The following NLRP1 variants were observed in gnomAD, a reference collection of about 807,000 sequenced individuals.
The protein encoded by NLRP1 is NACHT, LRR and PYD domains-containing protein 1.
A neutral mutation model predicts 136.7 loss-of-function variants in NLRP1; 94 were observed. That is an observed-to-expected ratio of 0.69 (90% confidence interval 0.58 to 0.82). The LOEUF (loss-of-function observed/expected upper bound fraction) is 0.82. NLRP1 is among the 40% of genes least tolerant of loss of function. The probability of loss-of-function intolerance (pLI) is 0.00; values close to 1 mark genes in which losing one functional copy is unlikely to be tolerated. For synonymous variants in NLRP1, 690 were observed against 725.1 expected, an observed-to-expected ratio of 0.95 and a Z score of 0.78; for missense variants, 1,575 against 1,802.7, an observed-to-expected ratio of 0.87 and a Z score of 2.29.
At chr17:5,529,157 T>A (rs1309318981) in intron 12 of NLRP1, among the ~76,000 whole-genome samples, 3 of 152,160 alleles carry the variant, frequency 2.0e-5, no homozygotes, top group Non-Finnish European at 4.4e-5. Context: ...AATCTTGATT[T>A]TTTCTCTCCC....
At chr17:5,529,413 G>A (rs1909950468) in intron 12 of NLRP1, among the ~76,000 whole-genome samples, 1 of 150,660 alleles carries the variant, frequency 6.6e-6, no homozygotes, top group Admixed American at 6.6e-5. Context: ...TGTGGCCCAG[G>A]CTGGAGTGCA....
intron 3 of NLRP1, among the ~76,000 whole-genome samples, chr17:5,570,466 AG>A (rs1347031575): frequency 6.6e-6 from 1 of 152,152 alleles, no homozygotes; most frequent in Non-Finnish European, 1.5e-5. Flanking sequence ...AAAAACCCTC[AG>A]AGACTATTAC....
At chr17:5,553,350 A>G (rs200719087) in intron 5 of NLRP1, 36 bp downstream of exon 5, 2 of 1,561,452 alleles carry the variant, frequency 1.3e-6, no homozygotes, top group Non-Finnish European at 1.7e-6. Flanking sequence ...TCTCTTCCCC[A>G]TCCCTGCTTC....
intron 9 of NLRP1, 30 bp downstream of exon 9, chr17:5,533,867 G>A (rs1402249269): frequency 4.1e-6 from 6 of 1,469,412 alleles, no homozygotes; most frequent in Non-Finnish European, 5.7e-6. Context: ...CCCCTGTCAC[G>A]ATGCTCCCAG....
At position 5,536,836 on chromosome 17, in the gene NLRP1, T is replaced by G; in HGVS notation, c.2960+15A>C. On this transcript the variant is annotated intron_variant, in intron 8 of 16. Coordinates refer to ENST00000572272, the MANE Select transcript of NLRP1 (RefSeq NM_033004.4). ...GGCCTGGGTCAGCCAGAGGGAGTTC[T>G]GGGTCCCCCCTTACCGTCTGCTGAA... 6.3e-7 allele frequency: 1 copy of G among 1,594,986 alleles called. No individual in the cohort carries two copies.
chr17:5,583,636 C>A lies in NLRP1; in HGVS notation c.271+51G>T. The A allele has an allele frequency of 6.6e-7, 1 of 1,519,958 alleles. No individual in the cohort carries two copies. The highest frequency in any genetic ancestry group is 2.0e-5 in the Admixed American group (1 of 49,626). The allele number at this position is 1,519,958 out of a possible 1,614,324, so 94.2% of individuals were successfully genotyped here. On this transcript the variant is annotated intron_variant, in intron 1 of 16. Transcript: ENST00000572272. The surrounding 1 kb of genome is among the most constrained non-coding windows in gnomAD (Gnocchi z 4.5). ...TGGGGTCCCAAGAGGGCAGGGCAGG[C>A]ATGAGGGCCAGGGGATGTCCCGCGG...
At chr17:5,536,810 G>T (rs772230435) in intron 8 of NLRP1, 41 bp downstream of exon 8, 2 of 1,437,474 alleles carry the variant, frequency 1.4e-6, no homozygotes, top group Non-Finnish European at 2.0e-6. Flanking sequence ...GCTCAGCCCT[G>T]GGCCTGGGTC....
chr17:5,579,310 A>G (rs998238081), intron 3 of NLRP1, among the ~76,000 whole-genome samples: 16 of 152,044 alleles, frequency 1.1e-4, no homozygotes, highest in African/African-American at 3.6e-4. Flanking sequence ...CTCTCATTCC[A>G]TCAGTTGAAG....
In NLRP1 at chr17:5,514,333, T is replaced by A; in HGVS notation, c.*421A>T. ...GTTGGCTTGCTCTTGTAGATCTTCC[T>A]GTACAAAGCCAAGAATCCACGTGGC... On this transcript the variant is annotated 3_prime_UTR_variant, in exon 17 of 17. Transcript: ENST00000572272. The A allele has an allele frequency of 1.1e-6, 1 of 914,124 alleles. No individual in the cohort carries two copies. Among genetic ancestry groups the A allele is most frequent in the Non-Finnish European group, 1.3e-6 (1 of 747,400 alleles). The allele number at this position is 914,124 out of a possible 1,614,324, so 56.6% of individuals were successfully genotyped here.
At chr17:5,539,087 T>A (rs891784861) in intron 7 of NLRP1, among the ~76,000 whole-genome samples, 1 of 152,146 alleles carries the variant, frequency 6.6e-6, no homozygotes, top group Non-Finnish European at 1.5e-5. Flanking sequence ...GCCAGGCTGG[T>A]CTCTAACTCC....
intron 3 of NLRP1, among the ~76,000 whole-genome samples, chr17:5,578,250 A>G (rs954650035): frequency 2.0e-5 from 3 of 152,256 alleles, no homozygotes; most frequent in African/African-American, 7.2e-5. Context: ...AAAAGCCAAA[A>G]TTGACATATG....
chr17:5,507,400 A>T (rs1358159948), intron 15 of NLRP1, among the ~76,000 whole-genome samples: 1 of 152,220 alleles, frequency 6.6e-6, no homozygotes, highest in African/African-American at 2.4e-5. Context: ...GCCATTAAAG[A>T]ATCAAGAAAT....
At chr17:5,569,396 A>T (rs1167262368) in intron 3 of NLRP1, among the ~76,000 whole-genome samples, 2 of 152,196 alleles carry the variant, frequency 1.3e-5, no homozygotes, top group Non-Finnish European at 2.9e-5. Context: ...ATGCAATGAC[A>T]TTCATAGGCT....
intron 3 of NLRP1, among the ~76,000 whole-genome samples, chr17:5,569,892 A>G (rs1915689811): frequency 6.6e-6 from 1 of 152,178 alleles, no homozygotes; most frequent in Non-Finnish European, 1.5e-5. Context: ...AGCAAATTTT[A>G]AAAAACCCAA....
At chr17:5,579,683 C>T (rs1905386613) in intron 3 of NLRP1, among the ~76,000 whole-genome samples, 1 of 152,120 alleles carries the variant, frequency 6.6e-6, no homozygotes. Context: ...ATGGAATCAA[C>T]CATACTGCTA....
At chr17:5,569,807 A>G (rs10459913) in intron 3 of NLRP1, among the ~76,000 whole-genome samples, 26,005 of 152,180 alleles carry the variant, frequency 0.17, 3,481 homozygotes, top group East Asian at 0.67. Context: ...CCCAAACAAC[A>G]GAATATATAT....
At chr17:5,536,180 G>A (rs1911036826) in intron 8 of NLRP1, among the ~76,000 whole-genome samples, 1 of 151,196 alleles carries the variant, frequency 6.6e-6, no homozygotes. Flanking sequence ...ATGTTGTCTT[G>A]CTCTGTCACC....
rs145016109 is a variant in NLRP1 at position 5,573,839 on chromosome 17, A to G, written c.652+8020T>C. Among the ~76,000 whole-genome samples the G allele has an allele frequency of 2.8e-3, 429 of 152,324 alleles. 1 individual carries two copies. Among genetic ancestry groups the G allele is most frequent in the African/African-American group, 9.9e-3 (410 of 41,566 alleles). ...TTATGTCAAAGACCAAAGGTAGATA[A>G]AACCACAAAGATGGGGAAAAAACTG... On this transcript the variant is annotated intron_variant, in intron 3 of 16. Transcript: ENST00000572272.
chr17:5,517,881 C>T lies in NLRP1; in HGVS notation c.3922G>A (p.Glu1308Lys). ...GMLEILPKEL[E>K]LCYRSPGEDQ... Reference sequence around the variant, plus strand: ...TCTCCAGGGCTTCGATAGCAGAGCTCCAGTTCCTGAAGAGGCAAAGAGTTG... The same window carrying T: ...TCTCCAGGGCTTCGATAGCAGAGCTTCAGTTCCTGAAGAGGCAAAGAGTTG... Residue 1308 changes from glutamate to lysine, a missense_variant, in exon 15 of 17, where the codon GAG (glutamate) becomes AAG (lysine). Transcript: ENST00000572272. The T allele has an allele frequency of 6.2e-7, 1 of 1,614,078 alleles. No homozygotes were observed. Among genetic ancestry groups the T allele is most frequent in the South Asian group, 1.1e-5 (1 of 91,076 alleles).
Sources: allele counts gnomAD v4.1 joint callset (sites outside exome capture counted in the v4.1 genomes callset), GRCh38; gene constraint gnomAD v4.1.1; non-coding constraint Gnocchi (gnomAD v3.1); transcripts MANE v1.5; gene names NCBI Gene and HGNC (gene_info 2026-07-23, HGNC 2026-07-21).